Variants in BRF1 observed in about 807,000 individuals in gnomAD.
BRF1 encodes the protein transcription factor IIIB 90 kDa subunit.
In BRF1, 59 loss-of-function variants were observed where a neutral mutation model predicts 81.7. The observed-to-expected ratio is 0.72, with a 90% CI of 0.59 to 0.90. The LOEUF is 0.90. BRF1 is among the 40% of genes least tolerant of loss of function. The pLI, the probability that BRF1 is intolerant of heterozygous loss-of-function variation, is 0.00. For synonymous variants in BRF1, 491 were observed against 395.6 expected (o/e 1.24, Z -2.86); for missense variants, 1,050 against 936.3 (o/e 1.12, Z -1.58).
intron 3 of BRF1, among the ~76,000 whole-genome samples, chr14:105,261,775 G>C (rs587717115): frequency 6.6e-6 from 1 of 152,212 alleles, no homozygotes; most frequent in Non-Finnish European, 1.5e-5. Context: ...CACCCTGAGC[G>C]GACACCAGCA....
intron 5 of BRF1, among the ~76,000 whole-genome samples, chr14:105,242,842 GCTGCGGCTTACGC>G (rs1055862603): frequency 6.6e-6 from 1 of 152,040 alleles, no homozygotes; most frequent in Non-Finnish European, 1.5e-5. Context: ...GGGGCCAGGT[GCTGCGGCTTACGC>G]CTGTAATCCC....
chr14:105,272,296 C>T (rs982056232), intron 3 of BRF1, among the ~76,000 whole-genome samples: 11 of 152,206 alleles, frequency 7.2e-5, no homozygotes, highest in Middle Eastern at 3.2e-3. Context: ...CCCACAGTCA[C>T]GGTGTCCACA....
chr14:105,293,468 C>CGAG (rs2057605119), intron 1 of BRF1, among the ~76,000 whole-genome samples: 1 of 152,234 alleles, frequency 6.6e-6, no homozygotes, highest in Admixed American at 6.5e-5. Flanking sequence ...TTGCACAGGA[C>CGAG]GAGGAGGGAC....
chr14:105,274,222 T>G (rs2056782309), intron 2 of BRF1, among the ~76,000 whole-genome samples: 1 of 152,174 alleles, frequency 6.6e-6, no homozygotes, highest in South Asian at 2.1e-4. Flanking sequence ...CATGTTTTCT[T>G]GCTGACCTTC....
intron 7 of BRF1, among the ~76,000 whole-genome samples, chr14:105,228,543 C>CA (rs369640753): frequency 0.14 from 18,933 of 135,088 alleles, 1,494 homozygotes; most frequent in African/African-American, 0.22. Flanking sequence ...GGCTGTTCCT[C>CA]AAAAAAAAAA....
chr14:105,220,180 G>C, intron 11 of BRF1, 50 bp from the exon 12 acceptor site: 9 of 1,608,574 alleles, frequency 5.6e-6, no homozygotes, highest in Non-Finnish European at 5.9e-6. Flanking sequence ...ACTGATTATA[G>C]GAGCGTGGCC....
chr14:105,241,155 C>A (rs1456367240), intron 6 of BRF1, 110 bp downstream of exon 6: 1 of 1,502,316 alleles, frequency 6.7e-7, no homozygotes, highest in African/African-American at 1.4e-5. Context: ...CTGGAGGCAG[C>A]TCTCAGTGCT....
chr14:105,211,713 A>C, intron 16 of BRF1: 1 of 339,062 alleles, frequency 2.9e-6, no homozygotes. Context: ...CAGCACCTTC[A>C]CCCTCGTTTC....
At chr14:105,254,242 G>A (rs891348809) in intron 4 of BRF1, among the ~76,000 whole-genome samples, 1 of 152,168 alleles carries the variant, frequency 6.6e-6, no homozygotes, top group Non-Finnish European at 1.5e-5. Context: ...TGCAAAACGC[G>A]TGCAGTTTTT....
At chr14:105,219,758 G>C (rs1355341001) in intron 12 of BRF1, 3 of 496,880 alleles carry the variant, frequency 6.0e-6, no homozygotes, top group African/African-American at 1.9e-5. Flanking sequence ...CTTGTGTCTA[G>C]AGACCCCTCG....
chr14:105,218,290 A>C (rs962503036), intron 14 of BRF1, among the ~76,000 whole-genome samples: 2 of 152,158 alleles, frequency 1.3e-5, no homozygotes, highest in Admixed American at 6.5e-5. Flanking sequence ...ACTTCAGGGC[A>C]ATCAGCCTGC....
chr14:105,228,721 G>T, intron 7 of BRF1, 99 bp downstream of exon 7: 1 of 1,370,504 alleles, frequency 7.3e-7, no homozygotes, highest in Non-Finnish European at 1.0e-6. Flanking sequence ...GCGGGGGACG[G>T]CAGGGTCCCG....
At chr14:105,300,077 G>A (rs956796124) in intron 1 of BRF1, among the ~76,000 whole-genome samples, 1 of 152,210 alleles carries the variant, frequency 6.6e-6, no homozygotes, top group African/African-American at 2.4e-5. Flanking sequence ...CCAAGGCCAA[G>A]GGCAGCAGCA....
At chr14:105,241,500 C>T in intron 5 of BRF1, 86 bp from the exon 6 acceptor site, 1 of 1,553,400 alleles carries the variant, frequency 6.4e-7, no homozygotes, top group African/African-American at 1.3e-5. Flanking sequence ...GGTGGGGCAA[C>T]CTGCACTTGT....
At chr14:105,249,064 G>C in intron 5 of BRF1, 1 of 1,322,734 alleles carries the variant, frequency 7.6e-7, no homozygotes, top group South Asian at 2.1e-5. Flanking sequence ...TGGCGGTGCT[G>C]CCGCCCCACG....
At position 105,315,024 on chromosome 14, in the gene BRF1, A is replaced by G; in HGVS notation, c.-162+298T>C. ...CTGGGAGGTGGACGGCTCCAGCCCC[A>G]GCTGCGTGCCCAGGTACGCGCCGCC... On this transcript the variant is annotated intron_variant, in intron 1 of 17. Transcript: ENST00000327359. This position sits in a 1 kb window ranked among gnomAD's most constrained non-coding sequence, Gnocchi z 4.4. The G allele has an allele frequency of 1.6e-6, 2 of 1,220,462 alleles. No homozygotes were observed. The highest frequency in any genetic ancestry group is 1.8e-5 in the South Asian group (1 of 54,086). 75.6% of individuals were successfully genotyped at this position (1,220,462 alleles called of 1,614,324 possible).
chr14:105,299,497 C>T (rs1417069896), intron 1 of BRF1, among the ~76,000 whole-genome samples: 1 of 152,062 alleles, frequency 6.6e-6, no homozygotes, highest in African/African-American at 2.4e-5. Context: ...ATTGCCTGAG[C>T]CTAGGAGTTC....
intron 2 of BRF1, among the ~76,000 whole-genome samples, chr14:105,277,773 G>A (rs993907297): frequency 1.3e-4 from 20 of 152,078 alleles, no homozygotes; most frequent in African/African-American, 4.6e-4. Context: ...TCTCTTTTTT[G>A]AGATGGAGTC....
chr14:105,219,177 T>C lies in BRF1; in HGVS notation c.1433A>G (p.Asn478Ser). The C allele has an allele frequency of 6.2e-7, 1 of 1,612,466 alleles. No individual in the cohort carries two copies. Among genetic ancestry groups the C allele is most frequent in the South Asian group, 1.1e-5 (1 of 91,060 alleles). The change falls in exon 13 of 18, where the codon AAC (asparagine) becomes AGC (serine). Residue 478 changes from asparagine (N) to serine (S), a missense_variant. Asn to Ser is a conservative substitution (Grantham distance 46, BLOSUM62 1). This residue lies in a region of BRF1 where 1,043 missense variants were observed against 915.4 expected (regional missense o/e 1.14). Coordinates refer to ENST00000547530, the MANE Select transcript of BRF1 (RefSeq NM_001519.4). The stretch of plus-strand genomic sequence containing the variant: ...CCTCTGTTCCCGCAGGTACTCGGCG[T>C]TCTCCCTCATCCACAGCTCGGCCTT... ...RVKAELWMRE[N>S]AEYLREQREK...
Sources: gnomAD v4.1 joint callset for allele counts (sites outside exome capture counted in the v4.1 genomes callset) on GRCh38, gnomAD v4.1.1 for gene constraint, gnomAD v4.1.1 regional missense constraint, Gnocchi (gnomAD v3.1) non-coding constraint, MANE v1.5 for transcripts, NCBI Gene and HGNC (gene_info 2026-07-23, HGNC 2026-07-21) for gene names.